ERBB2: variants seen among roughly 807,000 people sequenced by gnomAD.
ERBB2 encodes the protein receptor tyrosine-protein kinase erbB-2.
ERBB2 carries 61 observed loss-of-function variants against 149.0 expected under a neutral mutation model. The ratio of observed to expected loss-of-function variants is 0.41; its 90% CI spans 0.33 to 0.51. The LOEUF (loss-of-function observed/expected upper bound fraction) is 0.51. Ranked by LOEUF, ERBB2 falls within the 20% of genes least tolerant of loss-of-function variation. The pLI is 0.25. For synonymous variants in ERBB2, 633 were observed against 678.8 expected (o/e 0.93, Z 1.05); for missense variants, 1,205 against 1,655.1 (o/e 0.73, Z 4.72).
chr17:39,705,398 C>T (rs540435520), intron 1 of ERBB2, among the ~76,000 whole-genome samples: 12 of 152,110 alleles, frequency 7.9e-5, no homozygotes, highest in East Asian at 1.9e-4. Flanking sequence ...GGCAGCAGGG[C>T]GTTATTTTGG....
upstream of ERBB2, among the ~76,000 whole-genome samples, chr17:39,694,288 TACACATATATATGTGTATATATATATAC>T (rs2057805780): frequency 1.6e-5 from 1 of 60,724 alleles, no homozygotes; most frequent in African/African-American, 5.5e-5. Flanking sequence ...TATATATATA[TACACATATATATGTGTATATATATATAC>T]ACACACACAT....
intron 3 of ERBB2, chr17:39,709,110 A>T: frequency 4.9e-6 from 3 of 611,480 alleles, no homozygotes; most frequent in Non-Finnish European, 8.7e-6. Context: ...AGCATGGACA[A>T]CTCACTCCTC....
At chr17:39,695,578 C>A (rs144981943), upstream of ERBB2, among the ~76,000 whole-genome samples, 81 of 152,212 alleles carry the variant, frequency 5.3e-4, no homozygotes, top group Non-Finnish European at 6.5e-4. Context: ...TGGGGTAGGC[C>A]TCAGTTTGTG....
rs748700504 is a variant in ERBB2 at position 39,715,309 on chromosome 17, C to T, written c.1172C>T (p.Pro391Leu). The T allele has an allele frequency of 1.8e-5, 29 of 1,613,898 alleles. No homozygotes were observed. Among genetic ancestry groups the T allele is most frequent in the Middle Eastern group, 1.6e-4 (1 of 6,084 alleles). ...AGGGACCCAGCCTCCAACACTGCCC[C>T]GCTCCAGCCAGAGCAGCTCCAAGTG... is the stretch of plus-strand genomic sequence containing the variant. ...FDGDPASNTA[P>L]LQPEQLQVFE... Residue 391 changes from proline (P) to leucine (L), a missense_variant, in exon 10 of 27, where the codon CCG becomes CTG. Pro to Leu is a moderately conservative substitution (Grantham distance 98). Transcript: ENST00000269571.
At chr17:39,692,563 G>A (rs1465148691), upstream of ERBB2, among the ~76,000 whole-genome samples, 1 of 151,882 alleles carries the variant, frequency 6.6e-6, no homozygotes, top group Non-Finnish European at 1.5e-5. Flanking sequence ...GCGCCTCCAC[G>A]CCTGGCTAAT....
At position 39,710,365 on chromosome 17, in the gene ERBB2, G is replaced by A. The variant is rs548076348; in HGVS notation, c.785G>A (p.Gly262Asp). ...GCCTGCCTCCACTTCAACCACAGTGGCATCTGTGAGCTGCACTGCCCAGCC... is the reference window on the plus strand; with the variant it reads ...GCCTGCCTCCACTTCAACCACAGTGACATCTGTGAGCTGCACTGCCCAGCC... ...CLACLHFNHS[G>D]ICELHCPALV... The change falls in exon 7 of 27, where the codon GGC (glycine) becomes GAC (aspartate). Residue 262 changes from glycine (G) to aspartate (D), a missense_variant. Gly to Asp is a moderately conservative substitution (Grantham distance 94). Around this residue, in one of 6 missense-constraint regions of ERBB2, gnomAD observed 569 missense variants for 803.5 expected, o/e 0.71. Transcript: ENST00000269571. The A allele has an allele frequency of 6.2e-7, 1 of 1,614,160 alleles. No individual in the cohort carries two copies. The highest frequency in any genetic ancestry group is 1.3e-5 in the African/African-American group (1 of 75,040).
intron 8 of ERBB2, 84 bp downstream of exon 8, chr17:39,712,131 T>C (rs754203342): frequency 6.3e-7 from 1 of 1,597,234 alleles, no homozygotes; most frequent in Non-Finnish European, 8.6e-7. Flanking sequence ...TGTCCTATCC[T>C]TCCTCAGACC....
upstream of ERBB2, chr17:39,688,116 G>A (rs916877176): frequency 2.7e-6 from 3 of 1,102,904 alleles, no homozygotes; most frequent in Admixed American, 1.2e-4. Flanking sequence ...ACTCTCCGCT[G>A]AAGTCCACAC....
intron 16 of ERBB2, 101 bp downstream of exon 16, chr17:39,719,935 C>T: frequency 9.2e-7 from 1 of 1,084,410 alleles, no homozygotes; most frequent in Non-Finnish European, 1.4e-6. Flanking sequence ...ACATATGTCC[C>T]TTCCCACCCA....
At position 39,710,070 on chromosome 17, in the gene ERBB2, G is replaced by T; in HGVS notation, c.644-16G>T. ...CAGGGCGCCACTCAGCCCTCATCCT[G>T]CCCTTTGCCCAACAGTGACGCGCAC... On this transcript the variant is annotated splice_polypyrimidine_tract_variant and intron_variant, in intron 5 of 26. Coordinates refer to ENST00000269571, the MANE Select transcript of ERBB2 (RefSeq NM_004448.4). The T allele has an allele frequency of 6.3e-7, 1 of 1,599,220 alleles. No homozygotes were observed.
rs202031022 is a variant in ERBB2, at chr17:39,723,527, C to G, written c.2086-11C>G. The G allele has an allele frequency of 5.8e-4, 935 of 1,612,734 alleles. 9 individuals are homozygous for G. In the African/African-American group the frequency reaches 0.011, roughly 19 times the overall value. Reference sequence around the variant, plus strand: ...GGCCCCCGGCACTGACCCACCACCCCCTCACCCCAGCTGGTGGAGCCGCTG... The same window carrying G: ...GGCCCCCGGCACTGACCCACCACCCGCTCACCCCAGCTGGTGGAGCCGCTG... On this transcript the variant is annotated splice_polypyrimidine_tract_variant and intron_variant, in intron 17 of 26. Coordinates refer to ENST00000269571, the MANE Select transcript of ERBB2 (RefSeq NM_004448.4). The surrounding 1 kb of genome is among the most constrained non-coding windows in gnomAD (Gnocchi z 6.2).
At chr17:39,724,267 C>A (rs564939766) in intron 19 of ERBB2, among the ~76,000 whole-genome samples, 1 of 56,710 alleles carries the variant, frequency 1.8e-5, no homozygotes, top group Non-Finnish European at 4.3e-5. Context: ...TACAAGCGCC[C>A]GCTAATTTTT....
In ERBB2 at chr17:39,712,460, C is replaced by A; in HGVS notation, c.1148+12C>A. 1 of 1,613,014 alleles carries A rather than the reference C, an allele frequency of 6.2e-7. No homozygotes were observed. The highest frequency in any genetic ancestry group is 8.5e-7 in the Non-Finnish European group (1 of 1,179,522). ...GAGAGCTTTGATGGGTAAGAGTGGG[C>A]ACGATGACCTGAGACAGTGTCAGGG... On this transcript the variant is annotated intron_variant, in intron 9 of 26. Transcript: ENST00000269571.
Position 39,719,941 on chromosome 17 carries a change from AC to A in ERBB2, c.1946+110del, listed in dbSNP as rs1464397219. ...GACCCCCTGACATATGTCCCTTCCC[AC>A]CCACTCTTCCACTGTGGAACCTCCT... On this transcript the variant is annotated intron_variant, in intron 16 of 26. Coordinates refer to ENST00000269571, the MANE Select transcript of ERBB2 (RefSeq NM_004448.4). 3.9e-6 allele frequency: 4 copies of A among 1,030,680 alleles called. No individual in the cohort carries two copies. The African/African-American group carries it at 6.3e-5, about 16-fold the overall frequency. The allele number at this position is 1,030,680 out of a possible 1,614,324, so 63.8% of individuals were successfully genotyped here. A position where few individuals can be genotyped will look rare whatever the true frequency, so the allele number is the denominator to read the frequency against.
In ERBB2 at chr17:39,715,920, C is replaced by T. The variant is rs2145659890; in HGVS notation, c.1494C>T (p.Asn498=). The T allele has an allele frequency of 1.2e-6, 2 of 1,610,734 alleles. No individual in the cohort carries two copies. The highest frequency in any genetic ancestry group is 1.1e-5 in the South Asian group (1 of 91,068). ...NPHQALLHTA[N]RPEDECVGEG... ...ACCAAGCTCTGCTCCACACTGCCAA[C>T]CGGCCAGAGGACGAGTGTGGTAAGA... Residue 498 remains asparagine (N), a synonymous_variant, in exon 12 of 27, where the codon AAC becomes AAT. Transcript: ENST00000269571.
Position 39,725,018 on chromosome 17 carries a change from AGAAGGTCT to A in ERBB2, c.2494-30_2494-23del. On this transcript the variant is annotated intron_variant, in intron 20 of 26. Coordinates refer to ENST00000269571, the MANE Select transcript of ERBB2 (RefSeq NM_004448.4). This position sits in a 1 kb window ranked among gnomAD's most constrained non-coding sequence, Gnocchi z 4.6. ...CATGTGGCCAGGCCCAGGCCCTCCCAGAAGGTCTACATGGGTGCTTCCCATTCCAGGGG... is the reference window on the plus strand; with the variant it reads ...CATGTGGCCAGGCCCAGGCCCTCCCAACATGGGTGCTTCCCATTCCAGGGG... 6.2e-7 allele frequency: 1 copy of A among 1,613,124 alleles called. No homozygotes were observed. The highest frequency in any genetic ancestry group is 8.5e-7 in the Non-Finnish European group (1 of 1,179,248).
chr17:39,724,800 G>A lies in ERBB2; in HGVS notation c.2382G>A (p.Val794=), dbSNP rs2145849996. The change falls in exon 20 of 27, where the codon GTG becomes GTA. Residue 794 remains valine (V), a synonymous_variant. Coordinates refer to ENST00000269571, the MANE Select transcript of ERBB2 (RefSeq NM_004448.4). ...TGGGCATCTGCCTGACATCCACGGT[G>A]CAGCTGGTGACACAGCTTATGCCCT... ...RLLGICLTST[V]QLVTQLMPYG... 6.2e-7 allele frequency: 1 copy of A among 1,614,210 alleles called. No individual in the cohort carries two copies. The highest frequency in any genetic ancestry group is 8.5e-7 in the Non-Finnish European group (1 of 1,180,048).
chr17:39,700,013 G>A (rs538872680), upstream of ERBB2: 66 of 1,268,914 alleles, frequency 5.2e-5, no homozygotes, highest in South Asian at 1.9e-3. Context: ...AGGAGGTGGA[G>A]GAGGAGGGCT....
chr17:39,701,360 G>A (rs1197026198), intron 1 of ERBB2, among the ~76,000 whole-genome samples: 1 of 152,116 alleles, frequency 6.6e-6, no homozygotes, highest in African/African-American at 2.4e-5. Flanking sequence ...GTAGCAGCTA[G>A]TAAGTGGTGG....
Sources: allele counts gnomAD v4.1 joint callset (sites outside exome capture counted in the v4.1 genomes callset), GRCh38; gene constraint gnomAD v4.1.1; regional missense constraint gnomAD v4.1.1; non-coding constraint Gnocchi (gnomAD v3.1); transcripts MANE v1.5; gene names NCBI Gene and HGNC (gene_info 2026-07-23, HGNC 2026-07-21).